CCDC148: variants seen among roughly 807,000 people sequenced by gnomAD.
CCDC148 encodes coiled-coil domain-containing protein 148.
In CCDC148, 89 loss-of-function variants were observed where a neutral mutation model predicts 85.7. That is an observed-to-expected ratio of 1.04 (90% CI 0.87 to 1.24). The LOEUF is 1.24. Among genes scored for constraint, CCDC148 ranks in the 50% most tolerant of loss-of-function variants. The probability of loss-of-function intolerance (pLI) is 0.00; values close to 1 mark genes in which losing one functional copy is unlikely to be tolerated. For synonymous variants in CCDC148, 230 were observed against 213.9 expected (o/e 1.08, Z -0.66); for missense variants, 692 against 671.7 (o/e 1.03, Z -0.33).
At chr2:158,408,750 A>AT (rs1173105716) in intron 1 of CCDC148, among the ~76,000 whole-genome samples, 1 of 151,964 alleles carries the variant, frequency 6.6e-6, no homozygotes, top group African/African-American at 2.4e-5. Context: ...GAATACATAT[A>AT]TTTTTTGAAT....
intron 1 of CCDC148, chr2:158,447,531 T>A (rs1466789510): frequency 6.6e-6 from 1 of 152,210 alleles, no homozygotes. Flanking sequence ...ATTTAGCAAT[T>A]TATGAGAGTT....
chr2:158,313,544 C>T (rs2105214082), intron 8 of CCDC148, among the ~76,000 whole-genome samples: 1 of 152,284 alleles, frequency 6.6e-6, no homozygotes, highest in African/African-American at 2.4e-5. Context: ...GTGACTTCTG[C>T]CCGAGGGGGC....
At chr2:158,418,328 T>C (rs1204044617) in intron 1 of CCDC148, among the ~76,000 whole-genome samples, 2 of 152,170 alleles carry the variant, frequency 1.3e-5, no homozygotes, top group Non-Finnish European at 2.9e-5. Flanking sequence ...GCATAATTAA[T>C]AGTATCAAGA....
intron 1 of CCDC148, among the ~76,000 whole-genome samples, chr2:158,373,391 G>GT (rs1684529461): frequency 6.6e-6 from 1 of 152,002 alleles, no homozygotes; most frequent in Non-Finnish European, 1.5e-5. Flanking sequence ...TTGTGGTAAT[G>GT]TTTTTTCAGC....
chr2:158,370,628 T>C (rs1380581161), intron 1 of CCDC148, among the ~76,000 whole-genome samples: 2 of 152,044 alleles, frequency 1.3e-5, no homozygotes, highest in Non-Finnish European at 2.9e-5. Flanking sequence ...ATCACTTTCA[T>C]TATAAAACAT....
At chr2:158,198,310 T>C (rs192943494) in intron 11 of CCDC148, among the ~76,000 whole-genome samples, 1 of 152,286 alleles carries the variant, frequency 6.6e-6, no homozygotes, top group African/African-American at 2.4e-5. Flanking sequence ...AGGGACAGTG[T>C]CATTTTTGTC....
intron 9 of CCDC148, among the ~76,000 whole-genome samples, chr2:158,254,241 T>C (rs781421003): frequency 1.3e-5 from 2 of 151,728 alleles, no homozygotes; most frequent in African/African-American, 2.4e-5. Context: ...TGCTATTAAG[T>C]TGATGCTATT....
intron 9 of CCDC148, among the ~76,000 whole-genome samples, chr2:158,260,531 G>T (rs770354881): frequency 6.6e-6 from 1 of 151,978 alleles, no homozygotes; most frequent in Non-Finnish European, 1.5e-5. Context: ...GTAACAGAAA[G>T]AAATAAAGGG....
chr2:158,444,785 G>GAAAAAAAAA (rs11433320), intron 1 of CCDC148, among the ~76,000 whole-genome samples: 1 of 66,660 alleles, frequency 1.5e-5, no homozygotes, highest in African/African-American at 6.9e-5. Context: ...ACCCTGTCTT[G>GAAAAAAAAA]AAAAAAAAAA....
In CCDC148 at chr2:158,176,214, C is replaced by A. The variant is rs535537402; in HGVS notation, c.1629+307G>T. On this transcript the variant is annotated intron_variant, in intron 13 of 13. Coordinates refer to ENST00000283233, the MANE Select transcript of CCDC148 (RefSeq NM_138803.4). ...AGATAAACATTTAAACAACAAAATA[C>A]AATATTAATACAGAGCTCTCAAATA... Among the ~76,000 whole-genome samples, 6 of 151,542 alleles carry A rather than the reference C, an allele frequency of 4.0e-5. No homozygotes were observed. In the South Asian group the frequency reaches 1.2e-3, roughly 32 times the overall value.
chr2:158,243,212 G>T (rs1319321632), intron 10 of CCDC148, among the ~76,000 whole-genome samples: 1 of 152,058 alleles, frequency 6.6e-6, no homozygotes, highest in Non-Finnish European at 1.5e-5. Context: ...GGGGCCACAG[G>T]GGCCAGCCAC....
At chr2:158,250,021 T>C (rs894038938) in intron 10 of CCDC148, among the ~76,000 whole-genome samples, 2 of 152,124 alleles carry the variant, frequency 1.3e-5, no homozygotes, top group African/African-American at 4.8e-5. Flanking sequence ...TCTACAGAGC[T>C]TAGCCACTCC....
chr2:158,415,308 C>T (rs1326421671), intron 1 of CCDC148, among the ~76,000 whole-genome samples: 4 of 152,018 alleles, frequency 2.6e-5, no homozygotes, highest in Non-Finnish European at 5.9e-5. Context: ...TTTAAACAAC[C>T]AGCTCTCTTA....
intron 11 of CCDC148, among the ~76,000 whole-genome samples, chr2:158,216,901 G>A (rs1686892254): frequency 6.6e-6 from 1 of 152,084 alleles, no homozygotes; most frequent in Admixed American, 6.5e-5. Context: ...TTTGATCCTT[G>A]CAACAATCTT....
At chr2:158,398,486 C>A (rs1386549041) in intron 1 of CCDC148, among the ~76,000 whole-genome samples, 1 of 152,140 alleles carries the variant, frequency 6.6e-6, no homozygotes, top group African/African-American at 2.4e-5. Context: ...CTCAAAACCA[C>A]ACAACTACAT....
intron 10 of CCDC148, among the ~76,000 whole-genome samples, chr2:158,248,581 T>C (rs6437157): frequency 0.05 from 7,574 of 152,188 alleles, 469 homozygotes; most frequent in African/African-American, 0.14. Context: ...GCACTTCTTA[T>C]AGTATGTTTT....
chr2:158,310,973 G>A (rs1354563875), intron 8 of CCDC148, among the ~76,000 whole-genome samples: 6 of 150,104 alleles, frequency 4.0e-5, no homozygotes, highest in Non-Finnish European at 7.4e-5. Context: ...GGGAAGAGGC[G>A]CTCTTCACTT....
chr2:158,445,350 A>G (rs1276691684), intron 1 of CCDC148, among the ~76,000 whole-genome samples: 1 of 152,140 alleles, frequency 6.6e-6, no homozygotes, highest in East Asian at 1.9e-4. Context: ...TCCTACTTTT[A>G]CATCATTTAG....
chr2:158,415,067 C>T lies in CCDC148; in HGVS notation c.25+41348G>A, dbSNP rs556347383. ...TAAATTTGAGTCCATAGTTTGGGGC[C>T]ATAATTTAAGTGTGAATTTGTCCAT... On this transcript the variant is annotated intron_variant, in intron 1 of 13. Transcript: ENST00000283233. Among the ~76,000 whole-genome samples, 66 of 151,778 alleles carry T rather than the reference C, an allele frequency of 4.3e-4. 1 individual carries two copies. Among genetic ancestry groups the T allele is most frequent in the African/African-American group, 1.6e-3 (65 of 41,332 alleles).
Sources: gnomAD v4.1 joint callset for allele counts (sites outside exome capture counted in the v4.1 genomes callset) on GRCh38, gnomAD v4.1.1 for gene constraint, MANE v1.5 for transcripts, NCBI Gene and HGNC (gene_info 2026-07-23, HGNC 2026-07-21) for gene names.